Variants in RAB31 observed in about 807,000 individuals in gnomAD.
RAB31 encodes the protein RAB31, member RAS oncogene family, also known as ras-related protein Rab-31.
A neutral mutation model predicts 25.6 loss-of-function variants in RAB31; 21 were observed. That is an observed-to-expected ratio of 0.82 (90% CI 0.58 to 1.18). The LOEUF is 1.18. Among genes scored for constraint, RAB31 ranks in the 50% most tolerant of loss-of-function variants. RAB31 has a pLI of 0.00. For missense variants in RAB31, 196 were observed against 250.1 expected, an observed-to-expected ratio of 0.78 and a Z score of 1.46; for synonymous variants, 87 against 84.0, an observed-to-expected ratio of 1.04 and a Z score of -0.20.
At chr18:9,846,571 C>T (rs1180421068) in intron 6 of RAB31, among the ~76,000 whole-genome samples, 3 of 152,182 alleles carry the variant, frequency 2.0e-5, no homozygotes, top group African/African-American at 7.2e-5. Context: ...AGGAGTTGAA[C>T]CCCAAAACAG....
intron 1 of RAB31, among the ~76,000 whole-genome samples, chr18:9,765,097 C>T (rs949567085): frequency 1.3e-5 from 2 of 152,106 alleles, no homozygotes; most frequent in African/African-American, 4.8e-5. Context: ...GAATTACAGG[C>T]TCTCGCCACC....
In RAB31 at chr18:9,775,343, C is replaced by T. The variant is rs367834622; in HGVS notation, c.105C>T (p.Ile35=). The T allele has an allele frequency of 2.5e-6, 4 of 1,613,760 alleles. No individual in the cohort carries two copies. The highest frequency in any genetic ancestry group is 3.4e-6 in the Non-Finnish European group (4 of 1,179,796). Reference sequence around the variant, plus strand: ...TCCAGGATCACTTTGACCACAACATCAGCCCTACTATTGGGTAAGTTCCTG... The same window carrying T: ...TCCAGGATCACTTTGACCACAACATTAGCCCTACTATTGGGTAAGTTCCTG... ...RFVQDHFDHN[I]SPTIGASFMT... The change falls in exon 2 of 7, where the codon ATC becomes ATT. Residue 35 remains isoleucine, a synonymous_variant. Transcript: ENST00000578921.
At chr18:9,716,886 A>AGGCGTGCCAC (rs1393497885) in intron 1 of RAB31, among the ~76,000 whole-genome samples, 1 of 134,562 alleles carries the variant, frequency 7.4e-6, no homozygotes, top group African/African-American at 2.8e-5. Context: ...CTGGGACTAC[A>AGGCGTGCCAC]GGCGTGCCAC....
At chr18:9,786,734 C>G (rs184512807) in intron 2 of RAB31, 205 of 152,144 alleles carry the variant, frequency 1.3e-3, no homozygotes, top group African/African-American at 4.7e-3. Flanking sequence ...TCCTACACAT[C>G]TGGCTTCTGG....
rs971725813 is a variant in RAB31 at position 9,860,280 on chromosome 18, CAATT to C, written c.*959_*962del. ...TCATTGGGCAAACTTCTAATAATAA[CAATT>C]AATAATAGGTTACAGGAAAGCCAGC... is the stretch of plus-strand genomic sequence containing the variant. On this transcript the variant is annotated 3_prime_UTR_variant, in exon 7 of 7. Coordinates refer to ENST00000578921, the MANE Select transcript of RAB31 (RefSeq NM_006868.4). 6.6e-5 allele frequency: 10 copies of C among 152,226 alleles called. No homozygotes were observed. Among genetic ancestry groups the C allele is most frequent in the African/African-American group, 2.4e-4 (10 of 41,546 alleles). 9.4% of individuals were successfully genotyped at this position (152,226 alleles called of 1,614,324 possible).
intron 5 of RAB31, among the ~76,000 whole-genome samples, chr18:9,832,580 G>A (rs762661233): frequency 1.5e-4 from 23 of 152,208 alleles, no homozygotes; most frequent in Admixed American, 2.6e-4. Context: ...GGAGTGGAAC[G>A]GGCCGCGAAT....
intron 5 of RAB31, among the ~76,000 whole-genome samples, chr18:9,834,996 C>T (rs911351397): frequency 1.3e-5 from 2 of 152,214 alleles, no homozygotes; most frequent in Admixed American, 6.5e-5. Flanking sequence ...ATTATTATCA[C>T]TGCCAACCCT....
intron 2 of RAB31, chr18:9,786,696 AG>A (rs1343078029): frequency 2.0e-5 from 3 of 152,058 alleles, no homozygotes; most frequent in Admixed American, 1.3e-4. Flanking sequence ...GTGAGAACAG[AG>A]GAAAAACATG....
At chr18:9,756,426 A>G (rs2068260739) in intron 1 of RAB31, among the ~76,000 whole-genome samples, 2 of 152,204 alleles carry the variant, frequency 1.3e-5, no homozygotes, top group South Asian at 4.1e-4. Flanking sequence ...GTGTGCATAT[A>G]TCTCATTTGA....
At chr18:9,722,274 G>A (rs1332164571) in intron 1 of RAB31, among the ~76,000 whole-genome samples, 1 of 152,184 alleles carries the variant, frequency 6.6e-6, no homozygotes, top group African/African-American at 2.4e-5. Flanking sequence ...CTGTGTGAGG[G>A]CTGACCACAG....
chr18:9,861,439 A>G lies in RAB31; in HGVS notation c.*2114A>G, dbSNP rs775054961. The G allele has an allele frequency of 3.3e-5, 5 of 152,336 alleles. No homozygotes were observed. Among genetic ancestry groups the G allele is most frequent in the South Asian group, 2.1e-4 (1 of 4,824 alleles). The allele number at this position is 152,336 out of a possible 1,614,324, so 9.4% of individuals were successfully genotyped here. A position where few individuals can be genotyped will look rare whatever the true frequency, so the allele number is the denominator to read the frequency against. ...CTGTATTGTCTTAGCTATTCAAGCC[A>G]GTCAGAGGATAATATATATATTCTC... is the stretch of plus-strand genomic sequence containing the variant. On this transcript the variant is annotated 3_prime_UTR_variant, in exon 7 of 7. Transcript: ENST00000578921.
chr18:9,854,462 G>A (rs921298236), intron 6 of RAB31, among the ~76,000 whole-genome samples: 1 of 152,004 alleles, frequency 6.6e-6, no homozygotes, highest in Non-Finnish European at 1.5e-5. Context: ...GTCACCTCCT[G>A]CCAAGCATCT....
At chr18:9,850,763 G>C (rs1383112740) in intron 6 of RAB31, among the ~76,000 whole-genome samples, 1 of 152,192 alleles carries the variant, frequency 6.6e-6, no homozygotes, top group Non-Finnish European at 1.5e-5. Context: ...CTACTCTGGA[G>C]ACTGAGGCAG....
Position 9,766,691 on chromosome 18 carries a change from A to G in RAB31, c.40-8587A>G, listed in dbSNP as rs1299547055. 6.6e-6 allele frequency among the ~76,000 whole-genome samples: 1 copy of G among 152,180 alleles called. No individual in the cohort carries two copies. The highest frequency in any genetic ancestry group is 1.5e-5 in the Non-Finnish European group (1 of 68,048). On this transcript the variant is annotated intron_variant, in intron 1 of 6. Coordinates refer to ENST00000578921, the MANE Select transcript of RAB31 (RefSeq NM_006868.4). This position sits in a 1 kb window ranked among gnomAD's most constrained non-coding sequence, Gnocchi z 4.3. ...AAGCATGTGGCTGGGCGCATGGCTC[A>G]CACCGGTAATCTCAGCACTTTGGGA...
chr18:9,759,721 C>G (rs538813263), intron 1 of RAB31, among the ~76,000 whole-genome samples: 4 of 152,030 alleles, frequency 2.6e-5, no homozygotes, highest in Non-Finnish European at 4.4e-5. Context: ...AAGGCTATCC[C>G]GAGACCTGTT....
chr18:9,795,371 A>C (rs1367319545), intron 3 of RAB31, among the ~76,000 whole-genome samples: 1 of 152,212 alleles, frequency 6.6e-6, no homozygotes, highest in African/African-American at 2.4e-5. Flanking sequence ...AAATGCAACA[A>C]AGAAAAAGAT....
At chr18:9,814,607 G>A (rs1385474000) in intron 4 of RAB31, 1 of 158,144 alleles carries the variant, frequency 6.3e-6, no homozygotes, top group East Asian at 1.8e-4. Context: ...TTTTTCTCTG[G>A]AGTGTTGACT....
In RAB31 at chr18:9,853,963, C is replaced by T. The variant is rs6506708; in HGVS notation, c.491-5265C>T. Among the ~76,000 whole-genome samples, 300 of 130,810 alleles carry T rather than the reference C, an allele frequency of 2.3e-3. 1 individual carries two copies. Among genetic ancestry groups the T allele is most frequent in the African/African-American group, 7.5e-3 (265 of 35,378 alleles). The allele number at this position is 130,810 out of a possible 152,430, so 85.8% of individuals were successfully genotyped here. A position where few individuals can be genotyped will look rare whatever the true frequency, so the allele number is the denominator to read the frequency against. ...TTCTTTTTTTCTTTTCTTTTCTTTT[C>T]TTTTTTTTTTTTTTTAACTTTAAAT... On this transcript the variant is annotated intron_variant, in intron 6 of 6. Transcript: ENST00000578921.
intron 5 of RAB31, among the ~76,000 whole-genome samples, chr18:9,842,194 C>T (rs2068737976): frequency 6.6e-6 from 1 of 152,090 alleles, no homozygotes; most frequent in African/African-American, 2.4e-5. Flanking sequence ...GCCTTGTGTT[C>T]AATAGTTCGT....
Sources: gnomAD v4.1 joint callset for allele counts (sites outside exome capture counted in the v4.1 genomes callset) on GRCh38, gnomAD v4.1.1 for gene constraint, Gnocchi (gnomAD v3.1) non-coding constraint, MANE v1.5 for transcripts, NCBI Gene and HGNC (gene_info 2026-07-23, HGNC 2026-07-21) for gene names.